ACSS3: variants seen among roughly 807,000 people sequenced by gnomAD.
The protein encoded by ACSS3 is acyl-CoA synthetase short chain family member 3, also known as acyl-CoA synthetase short-chain family member 3, mitochondrial.
ACSS3 carries 64 observed loss-of-function variants against 84.2 expected under a neutral mutation model. The ratio of observed to expected loss-of-function variants is 0.76; its 90% CI spans 0.62 to 0.94. The LOEUF is 0.94. Among genes scored for constraint, ACSS3 ranks in the 40% least tolerant of loss-of-function variants. ACSS3 has a pLI of 0.00. For missense variants in ACSS3, 815 were observed against 867.6 expected, an observed-to-expected ratio of 0.94 and a Z score of 0.76; for synonymous variants, 317 against 310.1, an observed-to-expected ratio of 1.02 and a Z score of -0.23.
At chr12:81,140,968 G>A (rs962641370) in intron 4 of ACSS3, among the ~76,000 whole-genome samples, 4 of 151,930 alleles carry the variant, frequency 2.6e-5, no homozygotes, top group Admixed American at 2.6e-4. Flanking sequence ...GCTGTTTCTA[G>A]CCTTATTTTG....
chr12:81,199,897 T>C (rs2032023808), intron 9 of ACSS3: 1 of 321,060 alleles, frequency 3.1e-6, no homozygotes, highest in Non-Finnish European at 6.1e-6. Flanking sequence ...AGAGTCCTTT[T>C]ATGAAGGCTT....
At chr12:81,124,169 A>G (rs1342764141) in intron 2 of ACSS3, among the ~76,000 whole-genome samples, 4 of 152,010 alleles carry the variant, frequency 2.6e-5, no homozygotes, top group Admixed American at 6.5e-5. Flanking sequence ...TTGATTTTTT[A>G]ATAATAGCCA....
chr12:81,175,737 T>G (rs2135823026), intron 8 of ACSS3, among the ~76,000 whole-genome samples: 1 of 152,212 alleles, frequency 6.6e-6, no homozygotes, highest in South Asian at 2.1e-4. Flanking sequence ...AATTAAACAA[T>G]CTGCTCCTGG....
intron 7 of ACSS3, among the ~76,000 whole-genome samples, chr12:81,165,513 G>A (rs565373519): frequency 3.5e-4 from 53 of 152,274 alleles, no homozygotes; most frequent in African/African-American, 1.2e-3. Context: ...AGGCGTGGTG[G>A]TGGGCACCTG....
chr12:81,094,085 T>C (rs1881855510), intron 1 of ACSS3, among the ~76,000 whole-genome samples: 1 of 152,092 alleles, frequency 6.6e-6, no homozygotes, highest in South Asian at 2.1e-4. Flanking sequence ...TGGTTTCTCT[T>C]TATTTGCTTT....
At chr12:81,179,271 C>CAAAAAAAAAAA (rs71098127) in intron 8 of ACSS3, among the ~76,000 whole-genome samples, 131 of 66,716 alleles carry the variant, frequency 2.0e-3, no homozygotes, top group East Asian at 6.4e-3. Context: ...AAGTAATTGC[C>CAAAAAAAAAAA]AAAAAAAAAA....
At chr12:81,221,243 C>T (rs2033096413) in intron 11 of ACSS3, among the ~76,000 whole-genome samples, 1 of 152,034 alleles carries the variant, frequency 6.6e-6, no homozygotes, top group Admixed American at 6.6e-5. Context: ...CTCTGATTAA[C>T]ATGATATTGA....
At chr12:81,186,028 C>G (rs2031234509) in intron 8 of ACSS3, among the ~76,000 whole-genome samples, 1 of 151,610 alleles carries the variant, frequency 6.6e-6, no homozygotes, top group South Asian at 2.1e-4. Context: ...CAGTGTGGCA[C>G]AGGACAGAGA....
intron 12 of ACSS3, among the ~76,000 whole-genome samples, chr12:81,232,398 A>C (rs2033496715): frequency 6.6e-6 from 1 of 151,820 alleles, no homozygotes; most frequent in Non-Finnish European, 1.5e-5. Context: ...AACAGCACAG[A>C]AGGGTTGAGT....
chr12:81,238,059 A>C (rs907251285), intron 13 of ACSS3, among the ~76,000 whole-genome samples: 1 of 151,728 alleles, frequency 6.6e-6, no homozygotes, highest in Non-Finnish European at 1.5e-5. Flanking sequence ...TAATATTTTT[A>C]TCATGAATGG....
intron 2 of ACSS3, among the ~76,000 whole-genome samples, chr12:81,122,883 A>G (rs1884751488): frequency 6.6e-6 from 1 of 152,206 alleles, no homozygotes; most frequent in Non-Finnish European, 1.5e-5. Flanking sequence ...GCGTACAGAA[A>G]GTAATCAACT....
Position 81,101,603 on chromosome 12 carries a change from A to G in ACSS3, c.312-7957A>G, listed in dbSNP as rs576182522. Among the ~76,000 whole-genome samples, 5 of 152,264 alleles carry G rather than the reference A, an allele frequency of 3.3e-5. No homozygotes were observed. In the South Asian group the frequency reaches 1.0e-3, roughly 32 times the overall value. Reference sequence around the variant, plus strand: ...TGATATATGTATATATCACATATACATTGCATTCCTTTAACGATGCATAAT... The same window carrying G: ...TGATATATGTATATATCACATATACGTTGCATTCCTTTAACGATGCATAAT... On this transcript the variant is annotated intron_variant, in intron 1 of 15. Transcript: ENST00000548058.
intron 13 of ACSS3, among the ~76,000 whole-genome samples, chr12:81,238,139 A>G (rs1048594333): frequency 6.6e-6 from 1 of 151,744 alleles, no homozygotes; most frequent in Non-Finnish European, 1.5e-5. Flanking sequence ...TTTCTTCTTC[A>G]GCCTATTGAT....
intron 8 of ACSS3, among the ~76,000 whole-genome samples, chr12:81,198,233 A>G (rs896970722): frequency 6.6e-6 from 1 of 152,124 alleles, no homozygotes; most frequent in Non-Finnish European, 1.5e-5. Flanking sequence ...TAAAAATTTC[A>G]TGTACTTTGA....
intron 1 of ACSS3, among the ~76,000 whole-genome samples, chr12:81,090,357 G>C (rs1340010133): frequency 2.0e-5 from 3 of 151,974 alleles, no homozygotes; most frequent in Non-Finnish European, 4.4e-5. Flanking sequence ...GTGAGCTCAT[G>C]CTCTATTGAT....
intron 9 of ACSS3, among the ~76,000 whole-genome samples, chr12:81,205,000 G>A (rs367714316): frequency 2.6e-5 from 4 of 152,094 alleles, no homozygotes; most frequent in Admixed American, 2.0e-4. Flanking sequence ...TATCTGCCTT[G>A]AGCCATCTTT....
intron 13 of ACSS3, among the ~76,000 whole-genome samples, chr12:81,250,453 T>C (rs1006010749): frequency 1.3e-5 from 2 of 152,100 alleles, no homozygotes; most frequent in Non-Finnish European, 2.9e-5. Flanking sequence ...TAGGAAATGT[T>C]GTATATTTCT....
chr12:81,196,966 C>G (rs928672700), intron 8 of ACSS3, among the ~76,000 whole-genome samples: 1 of 152,062 alleles, frequency 6.6e-6, no homozygotes, highest in African/African-American at 2.4e-5. Flanking sequence ...CAATTTAGTT[C>G]ATCCTCATGG....
chr12:81,246,659 A>G (rs1268679566), intron 13 of ACSS3, among the ~76,000 whole-genome samples: 2 of 152,200 alleles, frequency 1.3e-5, no homozygotes, highest in Non-Finnish European at 2.9e-5. Flanking sequence ...TTTTTTCTAG[A>G]AGCAAACCCC....
Sources: allele counts gnomAD v4.1 joint callset (sites outside exome capture counted in the v4.1 genomes callset), GRCh38; gene constraint gnomAD v4.1.1; transcripts MANE v1.5; gene names NCBI Gene and HGNC (gene_info 2026-07-23, HGNC 2026-07-21).